ADIPOR1: variants seen among roughly 807,000 people sequenced by gnomAD.
ADIPOR1 encodes adiponectin receptor 1.
Under a neutral mutation model 37.5 loss-of-function variants are expected in ADIPOR1, and 15 were observed. The ratio of observed to expected loss-of-function variants is 0.40; its 90% CI spans 0.27 to 0.62. The LOEUF is 0.62. Among genes scored for constraint, ADIPOR1 ranks in the 20% least tolerant of loss-of-function variants. The pLI is 0.42. For synonymous variants in ADIPOR1, 173 were observed against 173.2 expected (o/e 1.00, Z 0.01); for missense variants, 286 against 478.0 (o/e 0.60, Z 3.75).
intron 1 of ADIPOR1, among the ~76,000 whole-genome samples, chr1:202,951,411 T>C (rs1352824302): frequency 6.6e-6 from 1 of 152,172 alleles, no homozygotes; most frequent in Non-Finnish European, 1.5e-5. Flanking sequence ...ATATGATCTA[T>C]GGTTACTGCA....
In ADIPOR1 at chr1:202,944,980, C is replaced by T; in HGVS notation, c.617+3G>A. On this transcript the variant is annotated splice_donor_region_variant and intron_variant, in intron 5 of 7. Transcript: ENST00000340990. Reference sequence around the variant, plus strand: ...ATTTTCCTATGGTGTTCTTTTAACTCACTTGGAAAAAGTCCGAGAGACTTT... The same window carrying T: ...ATTTTCCTATGGTGTTCTTTTAACTTACTTGGAAAAAGTCCGAGAGACTTT... 6.2e-7 allele frequency: 1 copy of T among 1,608,778 alleles called. No homozygotes were observed. The highest frequency in any genetic ancestry group is 2.2e-5 in the East Asian group (1 of 44,832).
intron 1 of ADIPOR1, among the ~76,000 whole-genome samples, chr1:202,956,707 G>A (rs977618161): frequency 5.9e-5 from 9 of 152,166 alleles, no homozygotes; most frequent in Non-Finnish European, 1.2e-4. Flanking sequence ...TGCCATGAAA[G>A]AACACAGTCC....
At chr1:202,954,297 G>A (rs1472087131) in intron 1 of ADIPOR1, 1 of 152,190 alleles carries the variant, frequency 6.6e-6, no homozygotes, top group African/African-American at 2.4e-5. Context: ...TGTCCAGTTT[G>A]GTCTTCTAAA....
rs761928502 is a variant in ADIPOR1, at chr1:202,948,349, C to A, written c.213G>T (p.Leu71=). ...TCTTCTCCATGGCGTGGTGGGCTTG[C>A]AGGGGAAGTGTCAGTACCCGCACCT... ...EEEVRVLTLP[L]QAHHAMEKME... Residue 71 remains leucine (L), a synonymous_variant, in exon 3 of 8, where the codon CTG becomes CTT. Transcript: ENST00000340990. The A allele has an allele frequency of 6.2e-7, 1 of 1,613,826 alleles. No homozygotes were observed. Among genetic ancestry groups the A allele is most frequent in the South Asian group, 1.1e-5 (1 of 91,054 alleles).
chr1:202,952,002 A>G (rs1202362372), intron 1 of ADIPOR1, among the ~76,000 whole-genome samples: 1 of 152,188 alleles, frequency 6.6e-6, no homozygotes, highest in African/African-American at 2.4e-5. Context: ...AAAATCAGAA[A>G]AACCCAGAAT....
intron 3 of ADIPOR1, among the ~76,000 whole-genome samples, chr1:202,947,279 T>C (rs929942627): frequency 4.6e-5 from 7 of 152,080 alleles, no homozygotes; most frequent in Non-Finnish European, 8.8e-5. Context: ...CCCAGCACTT[T>C]GGGAGGCTGA....
intron 5 of ADIPOR1, 34 bp from the exon 6 acceptor site, chr1:202,943,979 G>A (rs1654203789): frequency 6.4e-7 from 1 of 1,569,224 alleles, no homozygotes; most frequent in East Asian, 2.3e-5. Context: ...ACAAATCAGT[G>A]GGGGAAATGA....
rs994211930 is a variant in ADIPOR1, at chr1:202,946,576, T to A, written c.293A>T (p.Asp98Val). ...WEGRWRVIPYDVLPDWLKDND... is the reference protein window; with the variant it reads ...WEGRWRVIPYVVLPDWLKDND... ...GTCCTTTAGCCAGTCAGGGAGCACATCATATGGGATGACCCTCCAACGTCC... is the reference window on the plus strand; with the variant it reads ...GTCCTTTAGCCAGTCAGGGAGCACAACATATGGGATGACCCTCCAACGTCC... The change falls in exon 4 of 8, where the codon GAT (aspartate) becomes GTT (valine). Residue 98 changes from aspartate to valine, a missense_variant. Coordinates refer to ENST00000340990, the MANE Select transcript of ADIPOR1 (RefSeq NM_015999.6). 1 of 1,613,958 alleles carries A rather than the reference T, an allele frequency of 6.2e-7. No homozygotes were observed. Among genetic ancestry groups the A allele is most frequent in the Non-Finnish European group, 8.5e-7 (1 of 1,179,992 alleles).
chr1:202,941,852 C>T (rs942288754), intron 7 of ADIPOR1, 151 bp from the exon 8 acceptor site: 17 of 1,254,576 alleles, frequency 1.4e-5, no homozygotes, highest in Non-Finnish European at 1.7e-5. Flanking sequence ...TTTAAAAACA[C>T]AGTCCTTGTC....
At chr1:202,947,065 G>A (rs1654359484) in intron 3 of ADIPOR1, among the ~76,000 whole-genome samples, 2 of 151,962 alleles carry the variant, frequency 1.3e-5, no homozygotes, top group African/African-American at 4.8e-5. Flanking sequence ...GCAGTGAGCC[G>A]AGATTGCACC....
At chr1:202,942,380 A>AT (rs1412539448) in intron 6 of ADIPOR1, among the ~76,000 whole-genome samples, 162 bp from the exon 7 acceptor site, 10 of 152,172 alleles carry the variant, frequency 6.6e-5, no homozygotes, top group Non-Finnish European at 1.5e-4. Context: ...CACTCAACAG[A>AT]TATTTCTTCT....
At chr1:202,951,205 C>A in intron 1 of ADIPOR1, 41 bp from the exon 2 acceptor site, 1 of 1,024,730 alleles carries the variant, frequency 9.8e-7, no homozygotes, top group East Asian at 2.5e-5. Flanking sequence ...CAATTTATTC[C>A]TCTTACAGTT....
chr1:202,947,905 A>T (rs747234043), intron 3 of ADIPOR1, among the ~76,000 whole-genome samples: 1 of 152,322 alleles, frequency 6.6e-6, no homozygotes, highest in East Asian at 1.9e-4. Context: ...ACTCTCACAC[A>T]TTAGTTCTGC....
At chr1:202,957,440 T>C in intron 1 of ADIPOR1, among the ~76,000 whole-genome samples, 1 of 151,708 alleles carries the variant, frequency 6.6e-6, no homozygotes, top group East Asian at 1.9e-4. Context: ...CAGTTTCCCA[T>C]TCTCCCAAAG....
In ADIPOR1 at chr1:202,941,330, GTAGATGCC is replaced by G. The variant is rs1190202691; in HGVS notation, c.*235_*242del. The G allele has an allele frequency of 5.7e-6, 2 of 351,628 alleles. No homozygotes were observed. Among genetic ancestry groups the G allele is most frequent in the Non-Finnish European group, 1.0e-5 (2 of 195,714 alleles). The allele number at this position is 351,628 out of a possible 1,614,324, so 21.8% of individuals were successfully genotyped here. On this transcript the variant is annotated 3_prime_UTR_variant, in exon 8 of 8. Transcript: ENST00000340990. Reference sequence around the variant, plus strand: ...AAAGTACTGTCTCTGTGAGGGGCCGGTAGATGCCTTGCTGAGGAGGGGATGGCTAAGTT... The same window carrying G: ...AAAGTACTGTCTCTGTGAGGGGCCGGTTGCTGAGGAGGGGATGGCTAAGTT...
chr1:202,953,771 T>C (rs1162669600), intron 1 of ADIPOR1, among the ~76,000 whole-genome samples: 1 of 152,218 alleles, frequency 6.6e-6, no homozygotes, highest in Non-Finnish European at 1.5e-5. Context: ...TAGTTTGTGA[T>C]ATGCACAAAA....
chr1:202,949,498 T>G (rs1654473520), intron 2 of ADIPOR1, among the ~76,000 whole-genome samples: 1 of 145,774 alleles, frequency 6.9e-6, no homozygotes, highest in South Asian at 2.2e-4. Flanking sequence ...GAGAATGGCA[T>G]GAACCCTGGA....
rs186981966 is a variant in ADIPOR1 at position 202,951,331 on chromosome 1, C to T, written c.-94-167G>A. Among the ~76,000 whole-genome samples the T allele has an allele frequency of 5.9e-5, 9 of 152,292 alleles. No individual in the cohort carries two copies. In the East Asian group the frequency reaches 1.7e-3, roughly 29 times the overall value. ...TATTCCTGTCCTCCCTCTTTAATGTCAACCTTTACCCAGAACCTCACTAAT... is the reference window on the plus strand; with the variant it reads ...TATTCCTGTCCTCCCTCTTTAATGTTAACCTTTACCCAGAACCTCACTAAT... On this transcript the variant is annotated intron_variant, in intron 1 of 7. Coordinates refer to ENST00000340990, the MANE Select transcript of ADIPOR1 (RefSeq NM_015999.6).
intron 2 of ADIPOR1, 82 bp downstream of exon 2, chr1:202,950,848 G>T (rs1371128632): frequency 7.0e-6 from 11 of 1,562,782 alleles, no homozygotes; most frequent in African/African-American, 1.4e-5. Flanking sequence ...CTTTTGGACG[G>T]TGAGCTCTTA....
Sources: allele counts gnomAD v4.1 joint callset (sites outside exome capture counted in the v4.1 genomes callset), GRCh38; gene constraint gnomAD v4.1.1; transcripts MANE v1.5; gene names NCBI Gene and HGNC (gene_info 2026-07-23, HGNC 2026-07-21).